Variants in CAMTA1 observed in about 807,000 individuals in gnomAD.
CAMTA1 encodes the protein calmodulin binding transcription activator 1, also known as calmodulin-binding transcription activator 1.
A neutral mutation model predicts 170.9 loss-of-function variants in CAMTA1; 27 were observed. That is an observed-to-expected ratio of 0.16 (90% confidence interval 0.12 to 0.22). CAMTA1 has a LOEUF of 0.22. CAMTA1 is among the 10% of genes least tolerant of loss of function. The pLI is 1.00. For synonymous variants in CAMTA1, 833 were observed against 891.5 expected (o/e 0.93, Z 1.17); for missense variants, 1,619 against 2,217.2 (o/e 0.73, Z 5.42).
intron 5 of CAMTA1, among the ~76,000 whole-genome samples, chr1:7,433,648 A>G (rs1053060017): frequency 3.3e-5 from 5 of 152,238 alleles, no homozygotes; most frequent in African/African-American, 1.2e-4. Context: ...CCAATCCCAG[A>G]AGGCCACATA....
At chr1:7,090,451 G>A (rs181592892) in intron 3 of CAMTA1, among the ~76,000 whole-genome samples, 7 of 152,306 alleles carry the variant, frequency 4.6e-5, no homozygotes, top group African/African-American at 1.4e-4. Flanking sequence ...GATCAAGGGA[G>A]ACATGTACTA....
intron 4 of CAMTA1, among the ~76,000 whole-genome samples, chr1:7,152,546 G>C (rs1646636055): frequency 6.6e-6 from 1 of 152,220 alleles, no homozygotes; most frequent in Non-Finnish European, 1.5e-5. Flanking sequence ...TCTGAGCCAT[G>C]CTGAGAAAAC....
At chr1:7,262,561 T>TC (rs565211723) in intron 5 of CAMTA1, among the ~76,000 whole-genome samples, 184 of 152,062 alleles carry the variant, frequency 1.2e-3, no homozygotes, top group African/African-American at 4.4e-3. Flanking sequence ...GAACTCCACC[T>TC]CAAAAAAAAG....
chr1:6,813,739 A>C (rs532856213), intron 1 of CAMTA1, among the ~76,000 whole-genome samples: 1 of 152,156 alleles, frequency 6.6e-6, no homozygotes, highest in Non-Finnish European at 1.5e-5. Flanking sequence ...CTCCCGCCTC[A>C]GCCTCCCAGG....
At chr1:7,491,924 C>T (rs146267332) in intron 6 of CAMTA1, among the ~76,000 whole-genome samples, 6 of 152,268 alleles carry the variant, frequency 3.9e-5, no homozygotes, top group Non-Finnish European at 7.4e-5. Flanking sequence ...ATGCTGCTGC[C>T]GAATCTGTGT....
At chr1:6,889,605 A>T (rs1269999245) in intron 3 of CAMTA1, among the ~76,000 whole-genome samples, 1 of 152,242 alleles carries the variant, frequency 6.6e-6, no homozygotes, top group African/African-American at 2.4e-5. Flanking sequence ...TGTTTTAATC[A>T]TGCTTAATAA....
intron 3 of CAMTA1, among the ~76,000 whole-genome samples, chr1:6,900,474 T>C (rs1676687977): frequency 6.6e-6 from 1 of 152,166 alleles, no homozygotes; most frequent in Admixed American, 6.5e-5. Flanking sequence ...TTTGGAGTTT[T>C]AGACAGTCAA....
chr1:7,141,464 C>T (rs934974856), intron 4 of CAMTA1, among the ~76,000 whole-genome samples: 1 of 152,206 alleles, frequency 6.6e-6, no homozygotes, highest in Non-Finnish European at 1.5e-5. Context: ...CTTGTCATGG[C>T]TAACGTCTCC....
intron 4 of CAMTA1, among the ~76,000 whole-genome samples, chr1:7,095,936 C>A (rs10864280): frequency 6.6e-6 from 1 of 152,098 alleles, no homozygotes; most frequent in African/African-American, 2.4e-5. Flanking sequence ...TCCCTGGAAG[C>A]CAGGAACACA....
intron 5 of CAMTA1, among the ~76,000 whole-genome samples, chr1:7,436,610 C>T (rs565390085): frequency 1.3e-5 from 2 of 152,272 alleles, no homozygotes; most frequent in South Asian, 4.1e-4. Flanking sequence ...GGGCCTGGTC[C>T]CTCCTCCCAG....
At chr1:7,062,788 G>T (rs966990786) in intron 3 of CAMTA1, among the ~76,000 whole-genome samples, 4 of 152,204 alleles carry the variant, frequency 2.6e-5, no homozygotes, top group Non-Finnish European at 5.9e-5. Context: ...CTTCCGCTGG[G>T]GCTCCAGGCG....
intron 22 of CAMTA1, among the ~76,000 whole-genome samples, chr1:7,757,835 T>C (rs1235234335): frequency 1.3e-5 from 2 of 152,184 alleles, no homozygotes; most frequent in Non-Finnish European, 2.9e-5. Flanking sequence ...GAAAAATTTG[T>C]TTTTTGGGGG....
At chr1:7,045,636 G>A (rs1705262341) in intron 3 of CAMTA1, among the ~76,000 whole-genome samples, 1 of 152,224 alleles carries the variant, frequency 6.6e-6, no homozygotes, top group Non-Finnish European at 1.5e-5. Flanking sequence ...GTGACTATCG[G>A]TACTGAATCC....
At chr1:7,420,114 C>T (rs2091460021) in intron 5 of CAMTA1, among the ~76,000 whole-genome samples, 1 of 152,170 alleles carries the variant, frequency 6.6e-6, no homozygotes, top group Non-Finnish European at 1.5e-5. Flanking sequence ...GGGACCTCCA[C>T]TCTGGGCCCG....
chr1:7,467,982 C>T (rs945233670), intron 6 of CAMTA1, 81 bp downstream of exon 6: 35 of 1,162,376 alleles, frequency 3.0e-5, no homozygotes, highest in Admixed American at 1.1e-4. Flanking sequence ...CGCGGGGCTC[C>T]GCATGCGACA....
At chr1:7,516,592 T>C (rs985432161) in intron 6 of CAMTA1, among the ~76,000 whole-genome samples, 6 of 152,170 alleles carry the variant, frequency 3.9e-5, no homozygotes, top group African/African-American at 1.4e-4. Context: ...CTTAGACATT[T>C]CAGGATTTCA....
Position 7,635,633 on chromosome 1 carries a change from G to T in CAMTA1, c.511-4767G>T, listed in dbSNP as rs1253381037. On this transcript the variant is annotated intron_variant, in intron 6 of 22. Coordinates refer to ENST00000303635, the MANE Select transcript of CAMTA1 (RefSeq NM_015215.4). This position sits in a 1 kb window ranked among gnomAD's most constrained non-coding sequence, Gnocchi z 4.4. ...CAAAAAAAAAAAAAAAAAAATACAG[G>T]GCCCTGGCGGGGTCTGTCCCCTGCC... Among the ~76,000 whole-genome samples, 1 of 150,948 alleles carries T rather than the reference G, an allele frequency of 6.6e-6. No homozygotes were observed. Among genetic ancestry groups the T allele is most frequent in the Non-Finnish European group, 1.5e-5 (1 of 67,826 alleles).
rs1269336076 is a variant in CAMTA1, at chr1:7,286,925, C to A, written c.438+37299C>A. Among the ~76,000 whole-genome samples, 4 of 152,206 alleles carry A rather than the reference C, an allele frequency of 2.6e-5. No homozygotes were observed. The highest frequency in any genetic ancestry group is 4.8e-5 in the African/African-American group (2 of 41,456). Reference sequence around the variant, plus strand: ...AGTTTAGCTCAGTGCCTTCCATCGACTTGACACTCAGTAAACAGAAGCTGG... The same window carrying A: ...AGTTTAGCTCAGTGCCTTCCATCGAATTGACACTCAGTAAACAGAAGCTGG... On this transcript the variant is annotated intron_variant, in intron 5 of 22. Transcript: ENST00000303635. This position sits in a 1 kb window ranked among gnomAD's most constrained non-coding sequence, Gnocchi z 4.2.
At chr1:7,704,996 AC>A (rs1181219172) in intron 11 of CAMTA1, among the ~76,000 whole-genome samples, 12 of 130,984 alleles carry the variant, frequency 9.2e-5, no homozygotes, top group Middle Eastern at 4.0e-3. Context: ...GGGCGTGGGG[AC>A]ACGCGTGCTC....
Sources: gnomAD v4.1 joint callset for allele counts (sites outside exome capture counted in the v4.1 genomes callset) on GRCh38, gnomAD v4.1.1 for gene constraint, Gnocchi (gnomAD v3.1) non-coding constraint, MANE v1.5 for transcripts, NCBI Gene and HGNC (gene_info 2026-07-23, HGNC 2026-07-21) for gene names.